The following OPCML variants were observed in gnomAD, a reference collection of about 807,000 sequenced individuals.
OPCML encodes the protein opioid-binding protein/cell adhesion molecule.
OPCML carries 13 observed loss-of-function variants against 37.8 expected under a neutral mutation model. The observed-to-expected ratio is 0.34, with a 90% CI of 0.22 to 0.55. OPCML has a LOEUF of 0.55. Ranked by LOEUF, OPCML falls within the 20% of genes least tolerant of loss-of-function variation. The pLI is 0.91. For synonymous variants in OPCML, 176 were observed against 168.8 expected (o/e 1.04, Z -0.33); for missense variants, 341 against 435.6 (o/e 0.78, Z 1.93).
intron 1 of OPCML, among the ~76,000 whole-genome samples, chr11:133,220,588 C>T (rs763475865): frequency 7.2e-5 from 11 of 152,150 alleles, no homozygotes; most frequent in African/African-American, 1.9e-4. Context: ...CCTCAAGGAA[C>T]GCAGGCACTT....
chr11:132,910,550 C>G (rs1425772318), intron 2 of OPCML, among the ~76,000 whole-genome samples: 1 of 152,192 alleles, frequency 6.6e-6, no homozygotes, highest in Non-Finnish European at 1.5e-5. Context: ...TGATGTCACT[C>G]TCTTCCTTCC....
chr11:133,118,461 G>T, intron 1 of OPCML: 1 of 970,066 alleles, frequency 1.0e-6, no homozygotes, highest in Non-Finnish European at 1.2e-6. Context: ...CTGAAAACTG[G>T]AAAGGAGACT....
intron 1 of OPCML, among the ~76,000 whole-genome samples, chr11:133,310,608 G>T (rs969546287): frequency 1.3e-5 from 2 of 152,076 alleles, no homozygotes; most frequent in Non-Finnish European, 2.9e-5. Flanking sequence ...CCAGCAGGCC[G>T]TTTCCAGAAC....
intron 1 of OPCML, chr11:133,421,865 T>G: frequency 1.2e-5 from 8 of 679,510 alleles, no homozygotes; most frequent in Non-Finnish European, 1.5e-5. Context: ...TCGGAATTCC[T>G]GACCCACAGA....
intron 2 of OPCML, among the ~76,000 whole-genome samples, chr11:132,724,961 C>A (rs1944823897): frequency 6.6e-6 from 1 of 152,160 alleles, no homozygotes; most frequent in Non-Finnish European, 1.5e-5. Flanking sequence ...AGGGTACAGC[C>A]TCCCTCCCAG....
rs116723932 is a variant in OPCML, at chr11:133,241,512, C to T, written c.61+290752G>A. ...GATTAATTATGTAGGCATGTTTTAT[C>T]GTCATATATCATATCATTTACAAAG... On this transcript the variant is annotated intron_variant, in intron 1 of 7. Transcript: ENST00000524381. Among the ~76,000 whole-genome samples, 898 of 152,270 alleles carry T rather than the reference C, an allele frequency of 5.9e-3. 11 individuals are homozygous for T. The highest frequency in any genetic ancestry group is 0.02 in the African/African-American group (850 of 41,540).
chr11:133,228,854 G>C (rs1291601810), intron 1 of OPCML, among the ~76,000 whole-genome samples: 1 of 152,250 alleles, frequency 6.6e-6, no homozygotes, highest in Non-Finnish European at 1.5e-5. Flanking sequence ...GCAGGTCCAG[G>C]AAAAGGAAAT....
chr11:132,809,662 A>G (rs1243242539), intron 2 of OPCML, among the ~76,000 whole-genome samples: 1 of 151,686 alleles, frequency 6.6e-6, no homozygotes, highest in Non-Finnish European at 1.5e-5. Context: ...AATTTTAATT[A>G]AAAAAAGTGC....
chr11:132,643,446 C>T (rs1484233328), intron 3 of OPCML, among the ~76,000 whole-genome samples: 1 of 152,128 alleles, frequency 6.6e-6, no homozygotes, highest in Non-Finnish European at 1.5e-5. Context: ...CATGCAGAGC[C>T]TCAGGGAGGC....
Position 133,140,853 on chromosome 11 carries a change from CGAA to C in OPCML, c.62-197846_62-197844del, listed in dbSNP as rs1213600616. 2.9e-4 allele frequency among the ~76,000 whole-genome samples: 8 copies of C among 28,032 alleles called. 4 individuals are homozygous for C. Among genetic ancestry groups the C allele is most frequent in the Admixed American group, 2.1e-3 (4 of 1,872 alleles). The allele number at this position is 28,032 out of a possible 152,430, so 18.4% of individuals were successfully genotyped here. A position where few individuals can be genotyped will look rare whatever the true frequency, so the allele number is the denominator to read the frequency against. On this transcript the variant is annotated intron_variant, in intron 1 of 7. Coordinates refer to ENST00000524381, the MANE Select transcript of OPCML (RefSeq NM_001012393.5). ...ACGACGAAGAAGACGACGACGACGACGAAGAAGACGACGACGACGAAGAAGACG... is the reference window on the plus strand; with the variant it reads ...ACGACGAAGAAGACGACGACGACGACGAAGACGACGACGACGAAGAAGACG...
At chr11:132,855,228 C>T (rs1262252366) in intron 2 of OPCML, among the ~76,000 whole-genome samples, 6 of 152,114 alleles carry the variant, frequency 3.9e-5, no homozygotes, top group South Asian at 2.1e-4. Flanking sequence ...TGACTGACTA[C>T]ACCCAGTGTT....
intron 2 of OPCML, among the ~76,000 whole-genome samples, chr11:132,685,898 C>T (rs952504216): frequency 6.6e-6 from 1 of 152,170 alleles, no homozygotes; most frequent in Non-Finnish European, 1.5e-5. Flanking sequence ...ATGGCATCTG[C>T]AGTGTGTAAC....
intron 1 of OPCML, among the ~76,000 whole-genome samples, chr11:133,488,214 T>A (rs1399100321): frequency 6.6e-6 from 1 of 152,026 alleles, no homozygotes; most frequent in Non-Finnish European, 1.5e-5. Flanking sequence ...AAGACAAAGA[T>A]ACCCACTTTT....
At chr11:133,218,344 G>C (rs544439280) in intron 1 of OPCML, among the ~76,000 whole-genome samples, 1 of 152,236 alleles carries the variant, frequency 6.6e-6, no homozygotes, top group Admixed American at 6.5e-5. Flanking sequence ...TGAAATACAA[G>C]GTTTGTCGAT....
chr11:133,370,862 T>G (rs1327430539), intron 1 of OPCML, among the ~76,000 whole-genome samples: 1 of 152,044 alleles, frequency 6.6e-6, no homozygotes. Context: ...GCAAAGCAAA[T>G]AACCAAAAGA....
At chr11:132,505,194 C>A (rs2096253944) in intron 4 of OPCML, among the ~76,000 whole-genome samples, 1 of 152,086 alleles carries the variant, frequency 6.6e-6, no homozygotes, top group African/African-American at 2.4e-5. Context: ...AGGCACCATC[C>A]ACTTACCACA....
chr11:133,382,589 G>T (rs376266963), intron 1 of OPCML, among the ~76,000 whole-genome samples: 213 of 152,298 alleles, frequency 1.4e-3, no homozygotes, highest in African/African-American at 4.9e-3. Flanking sequence ...CAGCGTCTAG[G>T]CTGGGCATTT....
chr11:132,933,855 C>T (rs191850063), intron 2 of OPCML, among the ~76,000 whole-genome samples: 2 of 152,126 alleles, frequency 1.3e-5, no homozygotes, highest in Non-Finnish European at 2.9e-5. Flanking sequence ...ATTCCTCCCC[C>T]CTCTTACACA....
intron 1 of OPCML, among the ~76,000 whole-genome samples, chr11:133,286,682 G>C (rs959187722): frequency 6.6e-6 from 1 of 152,126 alleles, no homozygotes; most frequent in Non-Finnish European, 1.5e-5. Flanking sequence ...ACTGGAGCCT[G>C]ACCATCTACC....
Sources: gnomAD v4.1 joint callset for allele counts (sites outside exome capture counted in the v4.1 genomes callset) on GRCh38, gnomAD v4.1.1 for gene constraint, MANE v1.5 for transcripts, NCBI Gene and HGNC (gene_info 2026-07-23, HGNC 2026-07-21) for gene names.